The following SCML2 variants were observed in gnomAD, a reference collection of about 807,000 sequenced individuals.
SCML2 encodes the protein sex comb on midleg-like protein 2.
Under a neutral mutation model 48.4 loss-of-function variants are expected in SCML2, and 6 were observed. The observed-to-expected ratio is 0.12, with a 90% CI of 0.07 to 0.24. The LOEUF is 0.24. SCML2 is among the 10% of genes least tolerant of loss of function. The probability of loss-of-function intolerance (pLI) is 1.00; values close to 1 mark genes in which losing one functional copy is unlikely to be tolerated. For missense variants in SCML2, 377 were observed against 528.2 expected, an observed-to-expected ratio of 0.71 and a Z score of 2.81; for synonymous variants, 181 against 189.5, an observed-to-expected ratio of 0.95 and a Z score of 0.37.
chrX:18,253,645 G>A (rs1255310951), intron 11 of SCML2, among the ~76,000 whole-genome samples: 2 of 111,824 alleles, frequency 1.8e-5, no homozygotes, highest in South Asian at 7.5e-4. Context: ...CATTTCCTGT[G>A]ACCTAGCAAT....
At chrX:18,325,374 A>G (rs939191208) in intron 3 of SCML2, among the ~76,000 whole-genome samples, 11 of 112,141 alleles carry the variant, frequency 9.8e-5, no homozygotes, top group Non-Finnish European at 2.1e-4. Context: ...CATTAATGTG[A>G]AGGCACTTCT....
intron 11 of SCML2, among the ~76,000 whole-genome samples, chrX:18,249,539 G>A (rs190837779): frequency 2.7e-5 from 3 of 111,267 alleles, no homozygotes; most frequent in Admixed American, 1.9e-4. Context: ...GGCATCTGAC[G>A]GGGGAAAATG....
chrX:18,311,398 CAGAGAG>C (rs111864391), intron 6 of SCML2, among the ~76,000 whole-genome samples: 22,876 of 108,167 alleles, frequency 0.21, 1,865 homozygotes, highest in Middle Eastern at 0.31. Context: ...AAATGCTATG[CAGAGAG>C]AGAGAGAGAG....
At position 18,324,033 on chromosome X, in the gene SCML2, G is replaced by C. The variant is rs1397248537; in HGVS notation, c.223C>G (p.Arg75Gly). 3.3e-6 allele frequency: 4 copies of C among 1,208,534 alleles called. No homozygotes were observed. Among genetic ancestry groups the C allele is most frequent in the Non-Finnish European group, 4.5e-6 (4 of 894,405 alleles). Residue 75 changes from arginine (R) to glycine (G), a missense_variant, in exon 5 of 15, where the codon CGC becomes GGC. Physicochemically the swap from Arg to Gly is moderately radical, Grantham distance 125. Coordinates refer to ENST00000251900, the MANE Select transcript of SCML2 (RefSeq NM_006089.3). Reference protein sequence around the residue: ...VGMKLEARDPRNATSVCIATV... With the variant: ...VGMKLEARDPGNATSVCIATV... ...GCAATACATACTGAAGTGGCATTGC[G>C]AGGGTCACGGGCTTCCAATTTCATA...
chrX:18,312,054 T>C (rs1928967345), intron 6 of SCML2, among the ~76,000 whole-genome samples: 1 of 111,886 alleles, frequency 8.9e-6, no homozygotes, highest in African/African-American at 3.2e-5. Context: ...AGCCTCCCAA[T>C]GTGCTGGGAT....
chrX:18,298,240 TCA>T (rs1439149618), intron 7 of SCML2, among the ~76,000 whole-genome samples: 3 of 111,308 alleles, frequency 2.7e-5, no homozygotes, highest in Non-Finnish European at 5.7e-5. Context: ...AATACCAATG[TCA>T]CTCTTCACAG....
In SCML2 at chrX:18,341,747, T is replaced by C. The variant is rs1036914563; in HGVS notation, c.-24-7652A>G. On this transcript the variant is annotated intron_variant, in intron 1 of 14. Transcript: ENST00000251900. ...CCCTAGGACTGAATACTAGGAAGAA[T>C]CTGCGAAGATCCTGATGTAAAAGAA... Among the ~76,000 whole-genome samples, 3 of 111,337 alleles carry C rather than the reference T, an allele frequency of 2.7e-5. No homozygotes were observed. The South Asian group carries it at 1.1e-3, about 41-fold the overall frequency.
intron 7 of SCML2, among the ~76,000 whole-genome samples, chrX:18,270,673 C>T (rs1024273055): frequency 9.0e-6 from 1 of 111,278 alleles, no homozygotes; most frequent in African/African-American, 3.3e-5. Flanking sequence ...AATCATATAA[C>T]ATACATATAG....
chrX:18,257,561 T>C (rs1397503031), intron 10 of SCML2, among the ~76,000 whole-genome samples: 1 of 111,094 alleles, frequency 9.0e-6, no homozygotes, highest in Non-Finnish European at 1.9e-5. Flanking sequence ...TATAAACATA[T>C]AACTCCTATA....
chrX:18,319,612 A>C (rs891474920), intron 6 of SCML2, among the ~76,000 whole-genome samples: 72 of 109,087 alleles, frequency 6.6e-4, no homozygotes, highest in South Asian at 2.8e-3. Context: ...AAAAAACAAA[A>C]AAAAAAAAAC....
At chrX:18,263,184 T>C (rs1395456213) in intron 8 of SCML2, among the ~76,000 whole-genome samples, 4 of 110,589 alleles carry the variant, frequency 3.6e-5, no homozygotes, top group Non-Finnish European at 7.6e-5. Context: ...AGAATGTACA[T>C]CCTTAACTTT....
chrX:18,343,279 C>A (rs1356286014), intron 1 of SCML2, among the ~76,000 whole-genome samples: 5 of 105,894 alleles, frequency 4.7e-5, no homozygotes, highest in African/African-American at 1.7e-4. Flanking sequence ...AACATTTTGA[C>A]AAGGACAGGA....
chrX:18,299,113 T>G (rs1928492011), intron 7 of SCML2, among the ~76,000 whole-genome samples: 1 of 111,581 alleles, frequency 9.0e-6, no homozygotes, highest in Non-Finnish European at 1.9e-5. Context: ...GAGACAACCC[T>G]TGAATAGGAG....
chrX:18,317,507 T>C (rs894386815), intron 6 of SCML2, among the ~76,000 whole-genome samples: 6 of 111,455 alleles, frequency 5.4e-5, no homozygotes, highest in Non-Finnish European at 1.1e-4. Flanking sequence ...CCAACTGATG[T>C]TTAAGAAAAT....
chrX:18,283,227 A>G (rs1927926563), intron 7 of SCML2, among the ~76,000 whole-genome samples: 2 of 112,078 alleles, frequency 1.8e-5, no homozygotes, highest in Non-Finnish European at 1.9e-5. Context: ...GTGCAGAAAA[A>G]GCTTTCGATA....
intron 7 of SCML2, among the ~76,000 whole-genome samples, chrX:18,268,003 T>C (rs1927315807): frequency 8.9e-6 from 1 of 112,536 alleles, no homozygotes; most frequent in African/African-American, 3.2e-5. Context: ...GGCTATTGTT[T>C]GCCAACTCTT....
At chrX:18,258,438 C>G (rs1926941592) in intron 9 of SCML2, among the ~76,000 whole-genome samples, 191 bp from the exon 10 acceptor site, 1 of 111,992 alleles carries the variant, frequency 8.9e-6, no homozygotes, top group South Asian at 3.7e-4. Context: ...TGCAAAGACA[C>G]TGAACCCACA....
At chrX:18,292,017 G>A (rs754367839) in intron 7 of SCML2, among the ~76,000 whole-genome samples, 5 of 111,324 alleles carry the variant, frequency 4.5e-5, no homozygotes, top group African/African-American at 9.8e-5. Context: ...GAAAAAACAC[G>A]CTAAGAGAAA....
intron 7 of SCML2, among the ~76,000 whole-genome samples, chrX:18,272,387 G>A (rs760717870): frequency 8.9e-6 from 1 of 112,233 alleles, no homozygotes; most frequent in Non-Finnish European, 1.9e-5. Flanking sequence ...CCAGTGGAAA[G>A]GAAAACAAGG....
Sources: allele counts gnomAD v4.1 joint callset (sites outside exome capture counted in the v4.1 genomes callset), GRCh38; gene constraint gnomAD v4.1.1; transcripts MANE v1.5; gene names NCBI Gene and HGNC (gene_info 2026-07-23, HGNC 2026-07-21).